Variants in MSTO1 observed in about 807,000 individuals in gnomAD.
The protein encoded by MSTO1 is misato mitochondrial distribution and morphology regulator 1.
A neutral mutation model predicts 55.7 loss-of-function variants in MSTO1; 24 were observed. That is an observed-to-expected ratio of 0.43 (90% CI 0.31 to 0.61). The LOEUF (loss-of-function observed/expected upper bound fraction) is 0.61, where lower values mean the gene tolerates loss of function less well. MSTO1 is among the 20% of genes least tolerant of loss of function. The pLI is 0.09. For missense variants in MSTO1, 363 were observed against 625.7 expected, an observed-to-expected ratio of 0.58 and a Z score of 4.48; for synonymous variants, 162 against 252.8, an observed-to-expected ratio of 0.64 and a Z score of 3.41.
At position 155,612,845 on chromosome 1, in the gene MSTO1, C is replaced by A; in HGVS notation, c.968C>A (p.Ala323Asp). Residue 323 changes from alanine (A) to aspartate (D), a missense_variant and splice_region_variant, in exon 10 of 14, where the codon GCC (alanine) becomes GAC (aspartate). Coordinates refer to ENST00000245564, the MANE Select transcript of MSTO1 (RefSeq NM_018116.4). ...GCCCATCTTGGTGTCTTCTTACAGG[C>A]CACTCTGCCCTTCCACTGCAGTGCC... ...PVSFPYLHYD[A>D]TLPFHCSAIL... 2 of 1,613,880 alleles carry A rather than the reference C, an allele frequency of 1.2e-6. No individual in the cohort carries two copies. The highest frequency in any genetic ancestry group is 2.2e-5 in the East Asian group (1 of 44,882).
chr1:155,585,231 G>C, the MSTO1 span, among the ~76,000 whole-genome samples: 1 of 152,148 alleles, frequency 6.6e-6, no homozygotes, highest in Admixed American at 6.6e-5. Flanking sequence ...TGCAAGAAAA[G>C]TGAAAATGAG....
chr1:155,586,745 C>T, the MSTO1 span: 2 of 454,710 alleles, frequency 4.4e-6, no homozygotes, highest in Admixed American at 2.6e-5. Flanking sequence ...TTTGTGCATA[C>T]TGCCTTTTAT....
chr1:155,574,194 C>CA, the MSTO1 span, among the ~76,000 whole-genome samples: 1 of 152,034 alleles, frequency 6.6e-6, no homozygotes, highest in African/African-American at 2.4e-5. Context: ...CCCATCTCAA[C>CA]AAAAAACACA....
chr1:155,589,975 T>G, the MSTO1 span, among the ~76,000 whole-genome samples: 1 of 151,690 alleles, frequency 6.6e-6, no homozygotes, highest in Admixed American at 6.6e-5. Flanking sequence ...CAAAACATGC[T>G]TTATTTGGTA....
the MSTO1 span, among the ~76,000 whole-genome samples, chr1:155,581,654 A>G: frequency 3.3e-5 from 5 of 152,112 alleles, no homozygotes; most frequent in East Asian, 9.7e-4. Context: ...TTCCTGCCTC[A>G]GCCTCCCAAA....
At chr1:155,586,652 T>C in the MSTO1 span, 1 of 510,740 alleles carries the variant, frequency 2.0e-6, no homozygotes, top group Non-Finnish European at 3.9e-6. Context: ...TTTTTAAGAG[T>C]ACAAGGACAA....
chr1:155,571,226 A>C, the MSTO1 span, among the ~76,000 whole-genome samples: 1 of 152,176 alleles, frequency 6.6e-6, no homozygotes, highest in African/African-American at 2.4e-5. Flanking sequence ...CCTGTGGCCC[A>C]TGGGCTGCAT....
Position 155,613,060 on chromosome 1 carries a change from A to G in MSTO1, c.1110A>G (p.Ala370=), listed in dbSNP as rs1162216643. Reference sequence around the variant, plus strand: ...TTCCATCTCTTTAGGTGGTGACAGCAGGAGCAATCATCCCTTTCCCCTTGG... The same window carrying G: ...TTCCATCTCTTTAGGTGGTGACAGCGGGAGCAATCATCCCTTTCCCCTTGG... ...LSFCGKKVVT[A]GAIIPFPLAP... The change falls in exon 11 of 14, where the codon GCA becomes GCG. Residue 370 remains alanine (A), a synonymous_variant. Transcript: ENST00000245564. 1.2e-5 allele frequency: 19 copies of G among 1,613,590 alleles called. No homozygotes were observed. Among genetic ancestry groups the G allele is most frequent in the Non-Finnish European group, 8.5e-7 (1 of 1,180,040 alleles).
chr1:155,568,059 ATTTTAT>A, the MSTO1 span, among the ~76,000 whole-genome samples: 1 of 144,306 alleles, frequency 6.9e-6, no homozygotes, highest in African/African-American at 2.7e-5. Flanking sequence ...AAAATTATTT[ATTTTAT>A]TTTATTTTAT....
At chr1:155,568,531 C>T in the MSTO1 span, among the ~76,000 whole-genome samples, 16 of 151,882 alleles carry the variant, frequency 1.1e-4, no homozygotes, top group East Asian at 5.8e-4. Context: ...TTCCGCCTCC[C>T]GGATTCAAGT....
At chr1:155,601,989 C>G in the MSTO1 span, 1 of 407,692 alleles carries the variant, frequency 2.5e-6, no homozygotes, top group East Asian at 6.3e-5. Flanking sequence ...CTCCTGACCT[C>G]GTGATCCGCC....
chr1:155,563,395 G>T, the MSTO1 span: 7 of 456,590 alleles, frequency 1.5e-5, no homozygotes, highest in Middle Eastern at 3.3e-4. Flanking sequence ...CGGACCTCCA[G>T]GAGGTAGGGA....
chr1:155,604,539 G>A, the MSTO1 span, among the ~76,000 whole-genome samples: 1 of 152,230 alleles, frequency 6.6e-6, no homozygotes, highest in Non-Finnish European at 1.5e-5. Flanking sequence ...AAATGATTGT[G>A]AAATTACTAA....
At chr1:155,579,228 G>A in the MSTO1 span, among the ~76,000 whole-genome samples, 5 of 151,570 alleles carry the variant, frequency 3.3e-5, no homozygotes, top group Admixed American at 1.3e-4. Context: ...CGGGAGAATC[G>A]CTTGAACCCG....
At chr1:155,609,242 TA>T (rs1204947105), upstream of MSTO1, among the ~76,000 whole-genome samples, 1,706 of 25,040 alleles carry the variant, frequency 0.068, 68 homozygotes, top group East Asian at 0.093. Flanking sequence ...TATATATATA[TA>T]TTTTTTTTTT....
rs193091081 is a variant in MSTO1, at chr1:155,613,027, G to A, written c.1099-22G>A. ...CAGTGCTGAGAAAATGTCCTATAAC[G>A]TGTTCTCTTCCATCTCTTTAGGTGG... On this transcript the variant is annotated intron_variant, in intron 10 of 13. Coordinates refer to ENST00000245564, the MANE Select transcript of MSTO1 (RefSeq NM_018116.4). The A allele has an allele frequency of 7.7e-5, 125 of 1,613,884 alleles. 1 individual carries two copies. The African/African-American group carries it at 1.1e-3, about 14-fold the overall frequency.
At chr1:155,589,123 C>A in the MSTO1 span, among the ~76,000 whole-genome samples, 1 of 152,034 alleles carries the variant, frequency 6.6e-6, no homozygotes, top group Admixed American at 6.6e-5. Context: ...CATAGTGAAA[C>A]CCCGTCTCTA....
intron 13 of MSTO1, 124 bp from the exon 14 acceptor site, chr1:155,613,935 A>G: frequency 2.0e-6 from 2 of 975,744 alleles, no homozygotes; most frequent in Admixed American, 2.8e-5. Flanking sequence ...CTAAGGGGAC[A>G]ATACACCAAA....
chr1:155,608,617 C>T (rs919712641), upstream of MSTO1, among the ~76,000 whole-genome samples: 8 of 150,402 alleles, frequency 5.3e-5, no homozygotes, highest in African/African-American at 1.5e-4. Context: ...GTCCTGCCTC[C>T]GCCTCCCAAG....
Sources: gnomAD v4.1 joint callset for allele counts (sites outside exome capture counted in the v4.1 genomes callset) on GRCh38, gnomAD v4.1.1 for gene constraint, MANE v1.5 for transcripts, NCBI Gene and HGNC (gene_info 2026-07-23, HGNC 2026-07-21) for gene names.